Variants in SMARCA4 observed in about 807,000 individuals in gnomAD.
SMARCA4 encodes SWI/SNF-related matrix-associated actin-dependent regulator of chromatin subfamily A member 4.
SMARCA4 carries 31 observed loss-of-function variants against 193.9 expected under a neutral mutation model. The observed-to-expected ratio is 0.16, with a 90% CI of 0.12 to 0.22. The LOEUF (loss-of-function observed/expected upper bound fraction) is 0.22, where lower values mean the gene tolerates loss of function less well. Among genes scored for constraint, SMARCA4 ranks in the 10% least tolerant of loss-of-function variants. The pLI is 1.00. For missense variants in SMARCA4, 1,148 were observed against 2,296.0 expected, an observed-to-expected ratio of 0.50 and a Z score of 10.22; for synonymous variants, 942 against 933.1, an observed-to-expected ratio of 1.01 and a Z score of -0.17.
intron 30 of SMARCA4, among the ~76,000 whole-genome samples, chr19:11,055,540 G>A (rs2076496930): frequency 6.6e-6 from 1 of 151,962 alleles, no homozygotes; most frequent in African/African-American, 2.4e-5. Flanking sequence ...GCCTGATGGA[G>A]GTGGCTGTTG....
At chr19:10,988,807 A>T (rs1470593605) in intron 6 of SMARCA4, among the ~76,000 whole-genome samples, 1 of 152,228 alleles carries the variant, frequency 6.6e-6, no homozygotes, top group Non-Finnish European at 1.5e-5. Flanking sequence ...CCCTGCACTT[A>T]AAATGGTCCC....
intron 19 of SMARCA4, 75 bp downstream of exon 19, chr19:11,022,042 C>T: frequency 6.3e-7 from 1 of 1,599,390 alleles, no homozygotes; most frequent in Non-Finnish European, 8.5e-7. Context: ...GTGTTGAGCA[C>T]CAGCTACAGC....
rs1599996370 is a variant in SMARCA4, at chr19:10,989,403, T to C, written c.1205T>C (p.Ile402Thr). 6.2e-7 allele frequency: 1 copy of C among 1,614,186 alleles called. No individual in the cohort carries two copies. The highest frequency in any genetic ancestry group is 8.5e-7 in the Non-Finnish European group (1 of 1,180,010). The change falls in exon 7 of 35, where the codon ATT becomes ACT. Residue 402 changes from isoleucine to threonine, a missense_variant. Physicochemically the swap from Ile to Thr is moderately conservative, Grantham distance 89. Coordinates refer to ENST00000344626, the MANE Select transcript of SMARCA4 (RefSeq NM_003072.5). ...LAGDLRTKATIELKALRLLNF... is the reference protein window; with the variant it reads ...LAGDLRTKATTELKALRLLNF... ...GGGGATTTGCGAACCAAAGCGACCA[T>C]TGAGCTCAAGGCCCTCAGGCTGCTG...
Position 11,019,761 on chromosome 19 carries a change from C to T in SMARCA4, c.2616+60C>T. The T allele has an allele frequency of 3.5e-6, 4 of 1,151,988 alleles. No homozygotes were observed. Among genetic ancestry groups the T allele is most frequent in the Non-Finnish European group, 5.2e-6 (4 of 771,620 alleles). The allele number at this position is 1,151,988 out of a possible 1,614,324, so 71.4% of individuals were successfully genotyped here. On this transcript the variant is annotated intron_variant, in intron 18 of 34. Coordinates refer to ENST00000344626, the MANE Select transcript of SMARCA4 (RefSeq NM_003072.5). The surrounding 1 kb of genome is among the most constrained non-coding windows in gnomAD (Gnocchi z 6.1). The stretch of plus-strand genomic sequence containing the variant: ...GCCGAGTGCTCACACGTGGGTCACG[C>T]TGCCCGTCTCCTCCAAAGCCCCTAC...
rs189454718 is a variant in SMARCA4, at chr19:11,018,432, C to T, written c.2439-525C>T. ...GAACAGCCACGAGTTGCCGCTCCCT[C>T]CCATCCCTGTCCTCCCGCCTGCCAC... On this transcript the variant is annotated intron_variant, in intron 16 of 34. Coordinates refer to ENST00000344626, the MANE Select transcript of SMARCA4 (RefSeq NM_003072.5). 777 of 281,466 alleles carry T rather than the reference C, an allele frequency of 2.8e-3. 8 individuals carry two copies. Among genetic ancestry groups the T allele is most frequent in the Non-Finnish European group, 8.5e-4 (121 of 142,522 alleles). 17.4% of individuals were successfully genotyped at this position (281,466 alleles called of 1,614,324 possible).
intron 12 of SMARCA4, 23 bp from the exon 13 acceptor site, chr19:11,003,317 G>GA: frequency 6.2e-7 from 1 of 1,612,514 alleles, no homozygotes; most frequent in East Asian, 2.2e-5. Flanking sequence ...AGATTTGTAT[G>GA]AAAGCCCTTA....
Position 11,002,918 on chromosome 19 carries a change from C to T in SMARCA4, c.1813-111C>T, listed in dbSNP as rs1425838564. The T allele has an allele frequency of 6.6e-6, 8 of 1,206,624 alleles. No individual in the cohort carries two copies. The Admixed American group carries it at 8.5e-5, about 13-fold the overall frequency. 74.7% of individuals were successfully genotyped at this position (1,206,624 alleles called of 1,614,324 possible). ...ATTTTCCCACCACTGGCCATGTTTG[C>T]CTGCCATTTTCTGTGCAAACAGTTG... On this transcript the variant is annotated intron_variant, in intron 11 of 34. Coordinates refer to ENST00000344626, the MANE Select transcript of SMARCA4 (RefSeq NM_003072.5).
rs1470609623 is a variant in SMARCA4 at position 11,059,813 on chromosome 19, A to G, written c.4696A>G (p.Lys1566Glu). The change falls in exon 33 of 35, where the codon AAG becomes GAG. Residue 1566 changes from lysine (K) to glutamate (E), a missense_variant. By Grantham distance (56) the Lys-to-Glu change is moderately conservative. Around this residue, in one of 17 missense-constraint regions of SMARCA4, gnomAD observed 105 missense variants for 133.7 expected, o/e 0.79. Transcript: ENST00000344626. Reference sequence around the variant, plus strand: ...CACCAGCGTGCGGCAGAAAATCGAGAAGGAGGATGACAGTGAAGGCGAGGA... The same window carrying G: ...CACCAGCGTGCGGCAGAAAATCGAGGAGGAGGATGACAGTGAAGGCGAGGA... ...VFTSVRQKIE[K>E]EDDSEGEESE... 6.2e-6 allele frequency: 10 copies of G among 1,612,602 alleles called. No homozygotes were observed. The highest frequency in any genetic ancestry group is 2.2e-5 in the East Asian group (1 of 44,842).
intron 23 of SMARCA4, 62 bp downstream of exon 23, chr19:11,026,408 T>C: frequency 7.6e-7 from 1 of 1,314,990 alleles, no homozygotes; most frequent in Non-Finnish European, 1.1e-6. Flanking sequence ...TTCTGTCGTT[T>C]TGTTGGCTTT....
intron 34 of SMARCA4, 97 bp downstream of exon 34, chr19:11,060,284 C>T: frequency 7.0e-7 from 1 of 1,430,300 alleles, no homozygotes; most frequent in Non-Finnish European, 9.6e-7. Flanking sequence ...TCCCACGCCC[C>T]CACGCTGCAG....
chr19:10,996,018 C>A, intron 9 of SMARCA4, 195 bp from the exon 10 acceptor site: 1 of 682,724 alleles, frequency 1.5e-6, no homozygotes, highest in Non-Finnish European at 2.7e-6. Flanking sequence ...AGCGGGTGCC[C>A]TTGGAACCTA....
At chr19:10,989,515 A>G (rs1011258483) in intron 7 of SMARCA4, 72 bp downstream of exon 7, 2 of 1,573,476 alleles carry the variant, frequency 1.3e-6, no homozygotes, top group African/African-American at 2.7e-5. Context: ...GGCTCCAAAT[A>G]CGGCTTGCCT....
intron 11 of SMARCA4, among the ~76,000 whole-genome samples, chr19:10,998,460 CTA>C (rs1568447560): frequency 1.3e-5 from 2 of 151,036 alleles, no homozygotes; most frequent in Non-Finnish European, 2.9e-5. Flanking sequence ...GACTCTGTAA[CTA>C]TGTTGTAACT....
chr19:11,016,774 G>A (rs2089403881), intron 16 of SMARCA4, among the ~76,000 whole-genome samples: 1 of 152,148 alleles, frequency 6.6e-6, no homozygotes, highest in Admixed American at 6.6e-5. Flanking sequence ...CACTGGGAGT[G>A]CTTTCAGTTG....
intron 34 of SMARCA4, 81 bp downstream of exon 34, chr19:11,060,268 C>T (rs894891114): frequency 2.6e-5 from 39 of 1,503,328 alleles, no homozygotes; most frequent in African/African-American, 4.2e-5. Context: ...CCCTGTGGGG[C>T]GGTGCTCCCA....
chr19:10,981,562 A>G (rs910757313), intron 1 of SMARCA4, among the ~76,000 whole-genome samples: 9 of 152,206 alleles, frequency 5.9e-5, no homozygotes, highest in East Asian at 1.9e-4. Context: ...CCATCTTTTC[A>G]GGATTGGCTG....
rs1414786072 is a variant in SMARCA4, at chr19:10,986,109, G to T, written c.356-80G>T. On this transcript the variant is annotated intron_variant, in intron 3 of 34. Coordinates refer to ENST00000344626, the MANE Select transcript of SMARCA4 (RefSeq NM_003072.5). The surrounding 1 kb of genome is among the most constrained non-coding windows in gnomAD (Gnocchi z 6.7). The stretch of plus-strand genomic sequence containing the variant: ...TTGGCTGTGCCCTGTCTCAGAGTAG[G>T]AGCTGGTGTAGGGGGAAGAGGCTGT... The T allele has an allele frequency of 2.1e-5, 25 of 1,207,098 alleles. No homozygotes were observed. Among genetic ancestry groups the T allele is most frequent in the Non-Finnish European group, 2.9e-5 (24 of 814,482 alleles). 74.8% of individuals were successfully genotyped at this position (1,207,098 alleles called of 1,614,324 possible).
chr19:11,025,991 G>A (rs570479190), intron 22 of SMARCA4, among the ~76,000 whole-genome samples: 19 of 152,320 alleles, frequency 1.2e-4, no homozygotes, highest in East Asian at 7.7e-4. Flanking sequence ...CTGCTGCCCC[G>A]AGAGCCCCTG....
rs746415437 is a variant in SMARCA4 at position 11,059,809 on chromosome 19, C to T, written c.4692C>T (p.Ile1564=). ...TCTTCACCAGCGTGCGGCAGAAAAT[C>T]GAGAAGGAGGATGACAGTGAAGGCG... The part of the protein sequence containing the change: ...QSVFTSVRQK[I]EKEDDSEGEE... The change falls in exon 33 of 35, where the codon ATC becomes ATT. Residue 1564 remains isoleucine (I), a synonymous_variant. Transcript: ENST00000344626. 3.8e-5 allele frequency: 62 copies of T among 1,611,198 alleles called. No homozygotes were observed. The Admixed American group carries it at 6.1e-4, about 16-fold the overall frequency.
Sources: allele counts gnomAD v4.1 joint callset (sites outside exome capture counted in the v4.1 genomes callset), GRCh38; gene constraint gnomAD v4.1.1; regional missense constraint gnomAD v4.1.1; non-coding constraint Gnocchi (gnomAD v3.1); transcripts MANE v1.5; gene names NCBI Gene and HGNC (gene_info 2026-07-23, HGNC 2026-07-21).